The following FMN2 variants were observed in gnomAD, a reference collection of about 807,000 sequenced individuals.
FMN2 encodes formin-2.
In FMN2, 51 loss-of-function variants were observed where a neutral mutation model predicts 142.3. The ratio of observed to expected loss-of-function variants is 0.36; its 90% CI spans 0.29 to 0.45. The LOEUF is 0.45. Among genes scored for constraint, FMN2 ranks in the 20% least tolerant of loss-of-function variants. The pLI is 1.00. For missense variants in FMN2, 1,936 were observed against 2,122.8 expected (o/e 0.91, Z 1.73); for synonymous variants, 882 against 869.8 (o/e 1.01, Z -0.25).
At chr1:240,285,524 G>A (rs970362497) in intron 7 of FMN2, among the ~76,000 whole-genome samples, 2 of 151,868 alleles carry the variant, frequency 1.3e-5, no homozygotes, top group African/African-American at 4.8e-5. Flanking sequence ...GTAGATAGAG[G>A]TAAGAAAGGG....
chr1:240,228,972 C>T (rs1667443136), intron 6 of FMN2, among the ~76,000 whole-genome samples: 1 of 151,876 alleles, frequency 6.6e-6, no homozygotes, highest in South Asian at 2.1e-4. Flanking sequence ...GGAGTCTGGG[C>T]TCTGGGAATA....
chr1:240,190,390 T>G (rs773385669), intron 4 of FMN2, among the ~76,000 whole-genome samples: 5 of 152,234 alleles, frequency 3.3e-5, no homozygotes, highest in Non-Finnish European at 7.3e-5. Flanking sequence ...TTTTACGGGC[T>G]GATTCTTTTC....
chr1:240,162,747 A>G (rs1006956213), intron 2 of FMN2, among the ~76,000 whole-genome samples: 1 of 152,106 alleles, frequency 6.6e-6, no homozygotes, highest in Non-Finnish European at 1.5e-5. Context: ...GAGGCTATTT[A>G]TTAACACTTA....
chr1:240,173,273 G>C (rs972111164), intron 2 of FMN2, among the ~76,000 whole-genome samples: 1 of 152,096 alleles, frequency 6.6e-6, no homozygotes, highest in African/African-American at 2.4e-5. Flanking sequence ...GCACTGTCCA[G>C]AGCTAGGGGA....
In FMN2 at chr1:240,211,241, T is replaced by C. The variant is rs1478606503; in HGVS notation, c.4065+6T>C. 2 of 1,609,442 alleles carry C rather than the reference T, an allele frequency of 1.2e-6. No homozygotes were observed. The highest frequency in any genetic ancestry group is 1.7e-6 in the Non-Finnish European group (2 of 1,178,850). ...CAAAGACGAAGGCTAAACAAGTGAGTATTTTTGTGCTTTATGAAATTGGAC... is the reference window on the plus strand; with the variant it reads ...CAAAGACGAAGGCTAAACAAGTGAGCATTTTTGTGCTTTATGAAATTGGAC... On this transcript the variant is annotated splice_donor_region_variant and intron_variant, in intron 6 of 17. Coordinates refer to ENST00000319653, the MANE Select transcript of FMN2 (RefSeq NM_020066.5).
At chr1:240,170,134 A>G (rs927171572) in intron 2 of FMN2, 2 of 670,344 alleles carry the variant, frequency 3.0e-6, no homozygotes, top group Non-Finnish European at 5.2e-6. Flanking sequence ...GCATTAATAT[A>G]CAGTCCATCC....
At chr1:240,160,773 T>G (rs1436440585) in intron 2 of FMN2, among the ~76,000 whole-genome samples, 1 of 151,948 alleles carries the variant, frequency 6.6e-6, no homozygotes, top group Admixed American at 6.6e-5. Flanking sequence ...AGAAGATAAA[T>G]AAGAAATTGG....
At chr1:240,301,776 T>A (rs1467507887) in intron 8 of FMN2, among the ~76,000 whole-genome samples, 1 of 152,026 alleles carries the variant, frequency 6.6e-6, no homozygotes, top group Non-Finnish European at 1.5e-5. Context: ...TTTTTTCCCC[T>A]TCTACTGCCT....
At chr1:240,097,591 G>A (rs1057383327) in intron 1 of FMN2, among the ~76,000 whole-genome samples, 4 of 152,158 alleles carry the variant, frequency 2.6e-5, no homozygotes, top group East Asian at 1.9e-4. Context: ...TCCTGACCTC[G>A]TGATCCGCCC....
chr1:240,464,509 G>A (rs188464274), intron 16 of FMN2, among the ~76,000 whole-genome samples: 3 of 152,246 alleles, frequency 2.0e-5, no homozygotes, highest in African/African-American at 4.8e-5. Flanking sequence ...TATGTTCATG[G>A]GAGGAATACA....
intron 13 of FMN2, among the ~76,000 whole-genome samples, chr1:240,343,672 T>C (rs952540895): frequency 6.6e-6 from 1 of 152,146 alleles, no homozygotes; most frequent in African/African-American, 2.4e-5. Context: ...TGAACAAATT[T>C]ATGCAAGAAA....
intron 6 of FMN2, among the ~76,000 whole-genome samples, chr1:240,212,943 TTTTTTGTTTGTTTG>T (rs1239580088): frequency 3.9e-5 from 6 of 152,232 alleles, no homozygotes; most frequent in African/African-American, 1.4e-4. Context: ...TTTTTTGTGT[TTTTTTGTTTGTTTG>T]TTTTTGTTTG....
chr1:240,139,491 G>A (rs1201603936), intron 2 of FMN2, among the ~76,000 whole-genome samples: 1 of 152,084 alleles, frequency 6.6e-6, no homozygotes, highest in African/African-American at 2.4e-5. Context: ...CAGTAGAATG[G>A]GAAGCAAGAA....
intron 7 of FMN2, among the ~76,000 whole-genome samples, chr1:240,270,213 C>CA (rs1265792856): frequency 6.6e-6 from 1 of 152,060 alleles, no homozygotes; most frequent in East Asian, 1.9e-4. Context: ...TGTCTATACC[C>CA]AATTTGTTGG....
intron 2 of FMN2, among the ~76,000 whole-genome samples, chr1:240,128,557 G>C (rs1345139203): frequency 6.6e-6 from 1 of 152,176 alleles, no homozygotes; most frequent in African/African-American, 2.4e-5. Flanking sequence ...GGGTTTGGCA[G>C]ATCTGCTGAT....
intron 11 of FMN2, among the ~76,000 whole-genome samples, chr1:240,331,910 A>G (rs7538711): frequency 0.27 from 41,335 of 152,142 alleles, 5,690 homozygotes; most frequent in East Asian, 0.33. Context: ...GCTGCAAGTG[A>G]AAAACAGAAT....
At chr1:240,257,391 G>A (rs1389826215) in intron 6 of FMN2, among the ~76,000 whole-genome samples, 1 of 152,186 alleles carries the variant, frequency 6.6e-6, no homozygotes, top group African/African-American at 2.4e-5. Context: ...AATGCAGAAT[G>A]AGAGGAACTT....
At chr1:240,191,068 C>T (rs1665678918) in intron 4 of FMN2, among the ~76,000 whole-genome samples, 4 of 152,166 alleles carry the variant, frequency 2.6e-5, no homozygotes, top group Admixed American at 2.6e-4. Flanking sequence ...TCTGGTCCAT[C>T]AGCGTTGCCT....
chr1:240,352,398 G>A (rs1015224594), intron 13 of FMN2, among the ~76,000 whole-genome samples: 2 of 152,034 alleles, frequency 1.3e-5, no homozygotes, highest in African/African-American at 2.4e-5. Context: ...CCTGGCCAAT[G>A]TGATGAAACC....
Sources: allele counts gnomAD v4.1 joint callset (sites outside exome capture counted in the v4.1 genomes callset), GRCh38; gene constraint gnomAD v4.1.1; transcripts MANE v1.5; gene names NCBI Gene and HGNC (gene_info 2026-07-23, HGNC 2026-07-21).